Variants in CDH8 observed in about 807,000 individuals in gnomAD.
The protein encoded by CDH8 is cadherin 8.
In CDH8, 17 loss-of-function variants were observed where a neutral mutation model predicts 68.1. The observed-to-expected ratio is 0.25, with a 90% CI of 0.17 to 0.37. The LOEUF is 0.37. Among genes scored for constraint, CDH8 ranks in the 10% least tolerant of loss-of-function variants. The pLI is 1.00. For missense variants in CDH8, 763 were observed against 999.3 expected (o/e 0.76, Z 3.19); for synonymous variants, 372 against 365.1 (o/e 1.02, Z -0.21).
intron 9 of CDH8, chr16:61,714,220 A>T: frequency 5.0e-6 from 2 of 401,544 alleles, no homozygotes; most frequent in Middle Eastern, 7.1e-4. Context: ...TAGCAAAGTT[A>T]AGTGTATTTG....
At chr16:61,693,282 A>T (rs1041995482) in intron 10 of CDH8, 1 of 152,172 alleles carries the variant, frequency 6.6e-6, no homozygotes, top group Non-Finnish European at 1.5e-5. Context: ...TGACCCATGG[A>T]GCAAATCTAG....
intron 2 of CDH8, among the ~76,000 whole-genome samples, chr16:61,922,064 C>G (rs967632311): frequency 6.6e-6 from 1 of 152,082 alleles, no homozygotes; most frequent in Non-Finnish European, 1.5e-5. Flanking sequence ...TTCTAAGCCA[C>G]CTCTTCAGAG....
In CDH8 at chr16:61,650,584, T is replaced by A. The variant is rs1963297583; in HGVS notation, c.*3024A>T. ...AAATCTTAGAAAATGTTAGGAACCT[T>A]ATTGATATCTTTTGGTTGGGAAAGT... On this transcript the variant is annotated 3_prime_UTR_variant, in exon 12 of 12. Coordinates refer to ENST00000577390, the MANE Select transcript of CDH8 (RefSeq NM_001796.5). The A allele has an allele frequency of 6.6e-6, 1 of 152,020 alleles. No homozygotes were observed. The highest frequency in any genetic ancestry group is 6.6e-5 in the Admixed American group (1 of 15,216). The allele number at this position is 152,020 out of a possible 1,614,324, so 9.4% of individuals were successfully genotyped here.
chr16:61,754,570 G>A (rs750343281), intron 8 of CDH8, among the ~76,000 whole-genome samples: 38 of 152,028 alleles, frequency 2.5e-4, no homozygotes, highest in South Asian at 1.5e-3. Context: ...TTTGACGCAT[G>A]TATAGAATGT....
At chr16:61,896,470 C>T (rs558420440) in intron 3 of CDH8, among the ~76,000 whole-genome samples, 2 of 152,248 alleles carry the variant, frequency 1.3e-5, no homozygotes, top group Admixed American at 6.5e-5. Flanking sequence ...TACAGGTGCA[C>T]GTGCTGGCAT....
chr16:61,814,664 A>T (rs17822852), intron 7 of CDH8, among the ~76,000 whole-genome samples: 20,858 of 152,228 alleles, frequency 0.14, 1,787 homozygotes, highest in Middle Eastern at 0.21. Flanking sequence ...CAACAGTCCT[A>T]AAGAGAAAAT....
chr16:61,801,659 G>A (rs369864688), intron 7 of CDH8, among the ~76,000 whole-genome samples: 3,104 of 152,306 alleles, frequency 0.02, 108 homozygotes, highest in African/African-American at 0.069. Context: ...CCTGGGAAGC[G>A]CAAGGGGTCA....
chr16:61,689,518 C>T (rs1964176499), intron 10 of CDH8, among the ~76,000 whole-genome samples: 1 of 151,968 alleles, frequency 6.6e-6, no homozygotes, highest in South Asian at 2.1e-4. Context: ...CCCTCCTTAG[C>T]TTTGTGACTT....
chr16:61,909,043 G>C (rs1472876024), intron 2 of CDH8, among the ~76,000 whole-genome samples: 2 of 151,604 alleles, frequency 1.3e-5, no homozygotes, highest in Non-Finnish European at 2.9e-5. Flanking sequence ...AATAATCCTT[G>C]ATCAAATGAA....
intron 7 of CDH8, among the ~76,000 whole-genome samples, chr16:61,795,791 T>A (rs1197272787): frequency 3.3e-5 from 5 of 152,098 alleles, no homozygotes; most frequent in African/African-American, 1.2e-4. Flanking sequence ...TTTACTGTTT[T>A]CAAAATATCT....
chr16:61,830,830 C>T (rs187262913), intron 4 of CDH8, among the ~76,000 whole-genome samples: 83 of 151,920 alleles, frequency 5.5e-4, no homozygotes, highest in Non-Finnish European at 1.0e-4. Context: ...AAGAAAACAG[C>T]TTAGATCATT....
At chr16:61,912,007 T>A (rs1233644801) in intron 2 of CDH8, among the ~76,000 whole-genome samples, 2 of 152,062 alleles carry the variant, frequency 1.3e-5, no homozygotes, top group Non-Finnish European at 2.9e-5. Context: ...AGAGTACTAA[T>A]AGGAGCTGAA....
chr16:61,770,820 G>T (rs148519355), intron 8 of CDH8, among the ~76,000 whole-genome samples: 1 of 151,902 alleles, frequency 6.6e-6, no homozygotes, highest in Non-Finnish European at 1.5e-5. Context: ...AAACTTCACC[G>T]CCAGGCCAGG....
chr16:61,682,299 G>T (rs2142803238), intron 10 of CDH8, among the ~76,000 whole-genome samples: 1 of 151,980 alleles, frequency 6.6e-6, no homozygotes, highest in South Asian at 2.1e-4. Flanking sequence ...TAATTTTATT[G>T]TATTTTAGAA....
At chr16:61,782,273 C>T (rs919315874) in intron 8 of CDH8, among the ~76,000 whole-genome samples, 6 of 152,194 alleles carry the variant, frequency 3.9e-5, no homozygotes, top group Admixed American at 6.5e-5. Flanking sequence ...ATTGCCTCAC[C>T]TGGGAAGCAC....
intron 8 of CDH8, among the ~76,000 whole-genome samples, chr16:61,771,722 C>T (rs532375983): frequency 3.9e-4 from 60 of 152,012 alleles, no homozygotes; most frequent in African/African-American, 1.2e-3. Context: ...CCCACACATA[C>T]ATATATTCTG....
chr16:61,885,680 C>G (rs781324593), intron 3 of CDH8, among the ~76,000 whole-genome samples: 44 of 143,064 alleles, frequency 3.1e-4, no homozygotes, highest in Non-Finnish European at 4.9e-4. Context: ...ATGGTAACAG[C>G]AGCTCTAATA....
intron 2 of CDH8, among the ~76,000 whole-genome samples, chr16:61,963,271 C>T (rs1469436229): frequency 1.3e-5 from 2 of 152,148 alleles, no homozygotes; most frequent in African/African-American, 2.4e-5. Context: ...TCCATGTCAC[C>T]ATGACCATCA....
At chr16:61,663,226 A>G (rs866204572) in intron 10 of CDH8, among the ~76,000 whole-genome samples, 6 of 152,086 alleles carry the variant, frequency 3.9e-5, no homozygotes, top group African/African-American at 1.2e-4. Context: ...AGTTTCAGGC[A>G]GCAGAGTACA....
Sources: allele counts gnomAD v4.1 joint callset (sites outside exome capture counted in the v4.1 genomes callset), GRCh38; gene constraint gnomAD v4.1.1; transcripts MANE v1.5; gene names NCBI Gene and HGNC (gene_info 2026-07-23, HGNC 2026-07-21).